The following AGBL1 variants were observed in gnomAD, a reference collection of about 807,000 sequenced individuals.
AGBL1 encodes the protein AGBL carboxypeptidase 1.
Under a neutral mutation model 118.9 loss-of-function variants are expected in AGBL1, and 130 were observed. The ratio of observed to expected loss-of-function variants is 1.09; its 90% CI spans 0.95 to 1.26. AGBL1 has a LOEUF of 1.26. Among genes scored for constraint, AGBL1 ranks in the 50% most tolerant of loss-of-function variants. The pLI, the probability that AGBL1 is intolerant of heterozygous loss-of-function variation, is 0.00. For missense variants in AGBL1, 1,584 were observed against 1,298.1 expected (o/e 1.22, Z -3.38); for synonymous variants, 555 against 478.9 (o/e 1.16, Z -2.08).
intron 9 of AGBL1, among the ~76,000 whole-genome samples, chr15:86,262,078 C>CTTTTTTTTTTTTTTTTTTTGTTTTTTTT (rs61365024): frequency 1.9e-5 from 1 of 52,768 alleles, no homozygotes; most frequent in Non-Finnish European, 3.6e-5. Context: ...GCATAGCTGG[C>CTTTTTTTTTTTTTTTTTTTGTTTTTTTT]TTTTTTTTTT....
At chr15:86,534,773 A>C (rs746008586) in intron 19 of AGBL1, among the ~76,000 whole-genome samples, 5 of 152,208 alleles carry the variant, frequency 3.3e-5, no homozygotes, top group Non-Finnish European at 5.9e-5. Context: ...TGAGTGAAAG[A>C]AGCTAGACAC....
chr15:86,171,077 AC>A (rs1427014306), intron 5 of AGBL1, among the ~76,000 whole-genome samples: 2 of 152,316 alleles, frequency 1.3e-5, no homozygotes, highest in African/African-American at 4.8e-5. Flanking sequence ...TGAAATAAAG[AC>A]TTTTCGGACA....
At chr15:86,417,833 C>A (rs562330600) in intron 18 of AGBL1, among the ~76,000 whole-genome samples, 1 of 152,276 alleles carries the variant, frequency 6.6e-6, no homozygotes, top group Admixed American at 6.5e-5. Flanking sequence ...CATTATTATT[C>A]TGAAAACCAA....
chr15:86,262,074 C>G, intron 9 of AGBL1, among the ~76,000 whole-genome samples: 1 of 7,976 alleles, frequency 1.3e-4, no homozygotes, highest in South Asian at 0.013. Context: ...CTATGCATAG[C>G]TGGCTTTTTT....
intron 17 of AGBL1, among the ~76,000 whole-genome samples, chr15:86,301,399 C>CTT (rs373724808): frequency 2.0e-4 from 28 of 141,950 alleles, no homozygotes; most frequent in African/African-American, 7.0e-4. Flanking sequence ...TCTTGGCAAT[C>CTT]TTTTTTTTTT....
At chr15:86,853,197 C>T (rs2079431093) in intron 22 of AGBL1, among the ~76,000 whole-genome samples, 1 of 152,190 alleles carries the variant, frequency 6.6e-6, no homozygotes, top group South Asian at 2.1e-4. Flanking sequence ...ATTTATTTCT[C>T]CTTGGTATGC....
At chr15:86,133,553 G>A (rs2076846465) in intron 1 of AGBL1, among the ~76,000 whole-genome samples, 1 of 152,170 alleles carries the variant, frequency 6.6e-6, no homozygotes, top group Non-Finnish European at 1.5e-5. Flanking sequence ...CTATGTATTC[G>A]TAGCACCTAG....
chr15:86,519,153 T>C (rs949826423), intron 18 of AGBL1, among the ~76,000 whole-genome samples: 2 of 152,236 alleles, frequency 1.3e-5, no homozygotes, highest in South Asian at 4.1e-4. Context: ...CCTCCATGGA[T>C]ATCAAAATTC....
intron 18 of AGBL1, among the ~76,000 whole-genome samples, chr15:86,406,376 C>T (rs1034764700): frequency 2.0e-5 from 3 of 152,198 alleles, no homozygotes; most frequent in East Asian, 1.9e-4. Context: ...TGGTTCTTAG[C>T]ACCCTGTCTA....
At chr15:86,443,095 T>C (rs2082083658) in intron 18 of AGBL1, among the ~76,000 whole-genome samples, 1 of 152,196 alleles carries the variant, frequency 6.6e-6, no homozygotes, top group South Asian at 2.1e-4. Flanking sequence ...CTTCTGTTGT[T>C]GCCCTCAGCT....
Position 86,267,012 on chromosome 15 carries a change from A to G in AGBL1, c.1774A>G (p.Asn592Asp). 1 of 1,571,074 alleles carries G rather than the reference A, an allele frequency of 6.4e-7. No individual in the cohort carries two copies. Among genetic ancestry groups the G allele is most frequent in the South Asian group, 1.2e-5 (1 of 85,278 alleles). Residue 592 changes from asparagine to aspartate, a missense_variant, in exon 13 of 23, where the codon AAT becomes GAT. Asn to Asp is a conservative substitution (Grantham distance 23). Transcript: ENST00000614907. Reference sequence around the variant, plus strand: ...TAGGCCTTTGCAAGACAATGCTTCCAATTGTTTACGGTTCTTCTCCAAATT... The same window carrying G: ...TAGGCCTTTGCAAGACAATGCTTCCGATTGTTTACGGTTCTTCTCCAAATT... ...EPWPLQDNAS[N>D]CLRFFSKFES...
rs1461757361 is a variant in AGBL1 at position 86,641,357 on chromosome 15, T to G, written c.2995-32916T>G. 3.3e-5 allele frequency among the ~76,000 whole-genome samples: 5 copies of G among 152,174 alleles called. No homozygotes were observed. The East Asian group carries it at 9.6e-4, about 29-fold the overall frequency. On this transcript the variant is annotated intron_variant, in intron 21 of 22. Transcript: ENST00000614907. ...AATAACGTATAGAATATATGTGCGC[T>G]GTTTAAAGAATATTGGATAAAATGA...
rs759386231 is a variant in AGBL1 at position 86,269,931 on chromosome 15, C to G, written c.1851C>G (p.Asp617Glu). The change falls in exon 14 of 23, where the codon GAC becomes GAG. Residue 617 changes from aspartate to glutamate, a missense_variant. Physicochemically the swap from Asp to Glu is conservative, Grantham distance 45. Transcript: ENST00000614907. ...TTCTGATCTGCAGGTTCGAGTATGA[C>G]TTGCTGGTCAACGCAGATGTGAATA... ...KAIQVREFEY[D>E]LLVNADVNST... 2 of 1,613,742 alleles carry G rather than the reference C, an allele frequency of 1.2e-6. No individual in the cohort carries two copies. The highest frequency in any genetic ancestry group is 2.2e-5 in the South Asian group (2 of 91,018).
chr15:86,456,657 A>C (rs1386898692), intron 18 of AGBL1, among the ~76,000 whole-genome samples: 1 of 152,198 alleles, frequency 6.6e-6, no homozygotes, highest in East Asian at 1.9e-4. Flanking sequence ...AGGTCTGATA[A>C]AAGCTGCACA....
At chr15:86,273,078 A>C (rs1199097242) in intron 15 of AGBL1, among the ~76,000 whole-genome samples, 4 of 152,264 alleles carry the variant, frequency 2.6e-5, no homozygotes, top group Non-Finnish European at 5.9e-5. Flanking sequence ...GACCCAGCTT[A>C]GAGCTGGCTT....
intron 7 of AGBL1, among the ~76,000 whole-genome samples, chr15:86,250,120 T>C (rs1172103192): frequency 1.3e-5 from 2 of 152,106 alleles, no homozygotes; most frequent in Middle Eastern, 3.2e-3. Context: ...GCTGAGTAAA[T>C]AGGCCATGAC....
chr15:86,263,395 A>G (rs1348514924), intron 10 of AGBL1, among the ~76,000 whole-genome samples: 1 of 152,206 alleles, frequency 6.6e-6, no homozygotes, highest in African/African-American at 2.4e-5. Context: ...ACACCCTATG[A>G]TGTTCATACA....
intron 17 of AGBL1, among the ~76,000 whole-genome samples, chr15:86,339,118 CTAGA>C (rs1238066935): frequency 6.6e-6 from 1 of 152,120 alleles, no homozygotes; most frequent in Non-Finnish European, 1.5e-5. Flanking sequence ...GAAATTTTCA[CTAGA>C]TACGGAATTC....
rs151119057 is a variant in AGBL1, at chr15:86,543,770, G to C, written c.2686-2232G>C. Among the ~76,000 whole-genome samples the C allele has an allele frequency of 4.2e-4, 64 of 152,300 alleles. No individual in the cohort carries two copies. In the East Asian group the frequency reaches 0.012, roughly 28 times the overall value. Reference sequence around the variant, plus strand: ...GGATACAGGCATCTCACAATGCCTGGATGAAAGCATTACAGAATTGTTATG... The same window carrying C: ...GGATACAGGCATCTCACAATGCCTGCATGAAAGCATTACAGAATTGTTATG... On this transcript the variant is annotated intron_variant, in intron 19 of 22. Transcript: ENST00000614907.
Sources: gnomAD v4.1 joint callset for allele counts (sites outside exome capture counted in the v4.1 genomes callset) on GRCh38, gnomAD v4.1.1 for gene constraint, MANE v1.5 for transcripts, NCBI Gene and HGNC (gene_info 2026-07-23, HGNC 2026-07-21) for gene names.